Variants in SNCAIP observed in about 807,000 individuals in gnomAD.
SNCAIP encodes synuclein alpha interacting protein, also known as synphilin-1.
A neutral mutation model predicts 86.7 loss-of-function variants in SNCAIP; 43 were observed. The observed-to-expected ratio is 0.50, with a 90% confidence interval of 0.39 to 0.64. The LOEUF (loss-of-function observed/expected upper bound fraction) is 0.64. Among genes scored for constraint, SNCAIP ranks in the 30% least tolerant of loss-of-function variants. The pLI is 0.00. For missense variants in SNCAIP, 981 were observed against 1,103.1 expected (o/e 0.89, Z 1.57); for synonymous variants, 417 against 427.2 (o/e 0.98, Z 0.29).
In SNCAIP at chr5:122,322,756, C is replaced by T. The variant is rs956406718; in HGVS notation, c.-47+10472C>T. 2.6e-5 allele frequency among the ~76,000 whole-genome samples: 4 copies of T among 152,230 alleles called. No homozygotes were observed. The East Asian group carries it at 5.8e-4, about 22-fold the overall frequency. On this transcript the variant is annotated intron_variant, in intron 1 of 10. Transcript: ENST00000261368. ...CAAAGTAAAATCTTAAAAATAATAG[C>T]ATACATTCTATAGCAGATAACTAAA... is the stretch of plus-strand genomic sequence containing the variant.
At chr5:122,347,243 T>G (rs1313033084) in intron 1 of SNCAIP, among the ~76,000 whole-genome samples, 4 of 152,150 alleles carry the variant, frequency 2.6e-5, no homozygotes, top group Admixed American at 6.6e-5. Context: ...CTATAATATA[T>G]TACAGCTTTC....
chr5:122,440,338 A>C (rs1227821840), intron 6 of SNCAIP: 4 of 395,074 alleles, frequency 1.0e-5, no homozygotes, highest in Non-Finnish European at 1.9e-5. Flanking sequence ...GCCTTGGATG[A>C]GGCACTCAAT....
chr5:122,437,937 C>A (rs1033988855), intron 6 of SNCAIP, among the ~76,000 whole-genome samples: 1 of 152,124 alleles, frequency 6.6e-6, no homozygotes, highest in Non-Finnish European at 1.5e-5. Flanking sequence ...TTGCCTATAA[C>A]CCCACTACTA....
Position 122,334,938 on chromosome 5 carries a change from A to G in SNCAIP, c.-47+22654A>G, listed in dbSNP as rs374970145. On this transcript the variant is annotated intron_variant, in intron 1 of 10. Transcript: ENST00000261368. Reference sequence around the variant, plus strand: ...TGTGGATTTGGGGACTACAGGTTTCAGGAAATGTTACTGCATTGCCAGAGA... The same window carrying G: ...TGTGGATTTGGGGACTACAGGTTTCGGGAAATGTTACTGCATTGCCAGAGA... Among the ~76,000 whole-genome samples the G allele has an allele frequency of 4.6e-5, 7 of 152,322 alleles. No individual in the cohort carries two copies. The East Asian group carries it at 9.7e-4, about 21-fold the overall frequency.
chr5:122,417,928 A>G (rs569422257), intron 3 of SNCAIP, among the ~76,000 whole-genome samples: 45 of 152,316 alleles, frequency 3.0e-4, no homozygotes, highest in African/African-American at 1.0e-3. Context: ...AGAATTTCAA[A>G]AATGCCCAAC....
At chr5:122,351,686 A>T (rs1167690940) in intron 1 of SNCAIP, among the ~76,000 whole-genome samples, 9 of 152,100 alleles carry the variant, frequency 5.9e-5, no homozygotes, top group African/African-American at 2.2e-4. Context: ...GAACAAAGAC[A>T]GTGGTCAGCA....
At chr5:122,391,437 G>C (rs1769332847) in intron 2 of SNCAIP, among the ~76,000 whole-genome samples, 1 of 152,272 alleles carries the variant, frequency 6.6e-6, no homozygotes, top group African/African-American at 2.4e-5. Flanking sequence ...CATTCCTAAT[G>C]TGTTCCAATG....
chr5:122,391,785 A>G (rs1217230406), intron 2 of SNCAIP, among the ~76,000 whole-genome samples: 1 of 152,178 alleles, frequency 6.6e-6, no homozygotes, highest in African/African-American at 2.4e-5. Flanking sequence ...AACAGCCACA[A>G]ACTTCCTGCT....
intron 8 of SNCAIP, among the ~76,000 whole-genome samples, chr5:122,448,885 G>A (rs987043571): frequency 2.0e-5 from 3 of 149,600 alleles, no homozygotes; most frequent in Admixed American, 6.7e-5. Context: ...GCGGAGTGGC[G>A]GGTGCCTGTA....
intron 1 of SNCAIP, among the ~76,000 whole-genome samples, chr5:122,372,580 C>T (rs1023170427): frequency 6.6e-6 from 1 of 152,190 alleles, no homozygotes; most frequent in Non-Finnish European, 1.5e-5. Context: ...TGCCAGATTA[C>T]TCGAGCAATG....
In SNCAIP at chr5:122,463,686, CA is replaced by C; in HGVS notation, c.*191del. The C allele has an allele frequency of 1.7e-6, 1 of 594,768 alleles. No homozygotes were observed. The highest frequency in any genetic ancestry group is 2.3e-5 in the South Asian group (1 of 43,518). The allele number at this position is 594,768 out of a possible 1,614,324, so 36.8% of individuals were successfully genotyped here. A position where few individuals can be genotyped will look rare whatever the true frequency, so the allele number is the denominator to read the frequency against. ...AAACAATGCCTCACCAGCAGAAGAACAGAATATCAGGATGCCTTAAATTTAT... is the reference window on the plus strand; with the variant it reads ...AAACAATGCCTCACCAGCAGAAGAACGAATATCAGGATGCCTTAAATTTAT... On this transcript the variant is annotated 3_prime_UTR_variant, in exon 11 of 11. Transcript: ENST00000261368.
intron 3 of SNCAIP, among the ~76,000 whole-genome samples, chr5:122,419,032 G>A (rs1011210999): frequency 3.9e-5 from 6 of 152,162 alleles, no homozygotes; most frequent in African/African-American, 9.7e-5. Flanking sequence ...GTGCCTGAGC[G>A]ATGAAGGGCA....
chr5:122,449,804 C>G (rs750509733), intron 8 of SNCAIP, 41 bp from the exon 9 acceptor site: 1 of 1,259,482 alleles, frequency 7.9e-7, no homozygotes, highest in African/African-American at 1.5e-5. Context: ...ATAGCAGTAA[C>G]CAGTATCAGA....
chr5:122,431,934 T>C (rs1488625965), intron 5 of SNCAIP, 35 bp from the exon 6 acceptor site: 3 of 1,022,266 alleles, frequency 2.9e-6, no homozygotes, highest in Admixed American at 1.7e-5. Flanking sequence ...TGAGTTACCT[T>C]GAATTTCCAT....
At chr5:122,331,853 A>T (rs1017837414) in intron 1 of SNCAIP, among the ~76,000 whole-genome samples, 1 of 152,240 alleles carries the variant, frequency 6.6e-6, no homozygotes, top group Non-Finnish European at 1.5e-5. Context: ...CCCCACCAAA[A>T]TATTAGACGA....
intron 1 of SNCAIP, among the ~76,000 whole-genome samples, chr5:122,324,590 G>T (rs1258871974): frequency 6.6e-6 from 1 of 152,150 alleles, no homozygotes; most frequent in Non-Finnish European, 1.5e-5. Context: ...TTATTCCATT[G>T]CAGCTAATAG....
chr5:122,332,419 G>A (rs891743866), intron 1 of SNCAIP, among the ~76,000 whole-genome samples: 3 of 152,218 alleles, frequency 2.0e-5, no homozygotes, highest in African/African-American at 7.2e-5. Context: ...ACTGGCAACA[G>A]CCCCAGAGCA....
At chr5:122,321,047 A>G (rs181969258) in intron 1 of SNCAIP, among the ~76,000 whole-genome samples, 19 of 152,186 alleles carry the variant, frequency 1.2e-4, no homozygotes, top group African/African-American at 4.3e-4. Flanking sequence ...CTCCTGAAGC[A>G]TTGTCTTGTG....
Position 122,451,225 on chromosome 5 carries a change from C to G in SNCAIP, c.2378C>G (p.Thr793Arg). ...AGTACTGCTGCCCAGAAAGTTGCCA[C>G]AAGTCCCAAGAGTGCCCTCAAGTCT... ...PDSTAAQKVA[T>R]SPKSALKSPS... The change falls in exon 10 of 11, where the codon ACA becomes AGA. Residue 793 changes from threonine (T) to arginine (R), a missense_variant. Transcript: ENST00000261368. 1 of 1,614,162 alleles carries G rather than the reference C, an allele frequency of 6.2e-7. No individual in the cohort carries two copies. The highest frequency in any genetic ancestry group is 8.5e-7 in the Non-Finnish European group (1 of 1,180,018).
Sources: allele counts gnomAD v4.1 joint callset (sites outside exome capture counted in the v4.1 genomes callset), GRCh38; gene constraint gnomAD v4.1.1; transcripts MANE v1.5; gene names NCBI Gene and HGNC (gene_info 2026-07-23, HGNC 2026-07-21).